The following GALNT13 variants were observed in gnomAD, a reference collection of about 807,000 sequenced individuals.
GALNT13 encodes the protein UDP-GalNAc:polypeptide N-acetylgalactosaminyltransferase 13.
In GALNT13, 28 loss-of-function variants were observed where a neutral mutation model predicts 64.2. The observed-to-expected ratio is 0.44, with a 90% CI of 0.32 to 0.60. The LOEUF (loss-of-function observed/expected upper bound fraction) is 0.60. Ranked by LOEUF, GALNT13 falls within the 20% of genes least tolerant of loss-of-function variation. The probability of loss-of-function intolerance (pLI) is 0.05; values close to 1 mark genes in which losing one functional copy is unlikely to be tolerated. For synonymous variants in GALNT13, 214 were observed against 224.6 expected (o/e 0.95, Z 0.42); for missense variants, 577 against 669.8 (o/e 0.86, Z 1.53).
At chr2:153,967,764 GA>G (rs1450585090) in intron 3 of GALNT13, among the ~76,000 whole-genome samples, 1 of 152,000 alleles carries the variant, frequency 6.6e-6, no homozygotes, top group African/African-American at 2.4e-5. Flanking sequence ...GTCTGCCCCG[GA>G]TATTTTTGTC....
the GALNT13 span, among the ~76,000 whole-genome samples, chr2:153,153,033 TAA>T: frequency 6.6e-6 from 1 of 152,064 alleles, no homozygotes; most frequent in Admixed American, 6.6e-5. Flanking sequence ...CAACGGTGTA[TAA>T]GAGTTCATTT....
At chr2:153,911,201 G>A (rs1042135847) in intron 2 of GALNT13, among the ~76,000 whole-genome samples, 1 of 152,094 alleles carries the variant, frequency 6.6e-6, no homozygotes, top group Non-Finnish European at 1.5e-5. Context: ...TTGATTTAAA[G>A]TCTGCTTTGC....
chr2:153,432,049 T>G, the GALNT13 span, among the ~76,000 whole-genome samples: 1 of 152,298 alleles, frequency 6.6e-6, no homozygotes, highest in African/African-American at 2.4e-5. Flanking sequence ...AATAATTAAT[T>G]TTTTTGTTTC....
At chr2:154,268,293 T>C (rs1251066211) in intron 8 of GALNT13, among the ~76,000 whole-genome samples, 3 of 152,354 alleles carry the variant, frequency 2.0e-5, no homozygotes, top group East Asian at 1.9e-4. Flanking sequence ...ATAATTATGC[T>C]GAATGAAACA....
the GALNT13 span, among the ~76,000 whole-genome samples, chr2:153,527,632 A>G: frequency 6.6e-6 from 1 of 152,160 alleles, no homozygotes; most frequent in African/African-American, 2.4e-5. Flanking sequence ...ACAGAATATT[A>G]TAACCCTGTA....
chr2:153,860,768 G>A, the GALNT13 span, among the ~76,000 whole-genome samples: 31 of 152,144 alleles, frequency 2.0e-4, no homozygotes, highest in Non-Finnish European at 4.3e-4. Flanking sequence ...TATGACCAAC[G>A]TGACAAAAGT....
chr2:153,134,619 A>G, the GALNT13 span, among the ~76,000 whole-genome samples: 2 of 151,974 alleles, frequency 1.3e-5, no homozygotes, highest in Non-Finnish European at 2.9e-5. Flanking sequence ...TCCTTTGCCA[A>G]TCTCCTTCTC....
chr2:154,233,762 C>A (rs910686258), intron 4 of GALNT13, among the ~76,000 whole-genome samples: 10 of 151,992 alleles, frequency 6.6e-5, no homozygotes, highest in African/African-American at 2.2e-4. Flanking sequence ...AATTTGGTAA[C>A]CAGACAGAAC....
At chr2:154,180,577 T>A (rs906754721) in intron 4 of GALNT13, among the ~76,000 whole-genome samples, 13 of 152,240 alleles carry the variant, frequency 8.5e-5, no homozygotes, top group Non-Finnish European at 1.2e-4. Context: ...GAAACTTTTT[T>A]AAAAATCCAC....
At chr2:153,223,346 A>G in the GALNT13 span, among the ~76,000 whole-genome samples, 3 of 152,178 alleles carry the variant, frequency 2.0e-5, no homozygotes, top group Non-Finnish European at 2.9e-5. Flanking sequence ...ATAGTATCGA[A>G]TTTTCTGCCT....
chr2:154,346,267 C>CA (rs1696061593), intron 9 of GALNT13, among the ~76,000 whole-genome samples: 1 of 151,936 alleles, frequency 6.6e-6, no homozygotes, highest in East Asian at 1.9e-4. Flanking sequence ...CTTTCCAAAA[C>CA]TAAATAAATA....
the GALNT13 span, among the ~76,000 whole-genome samples, chr2:153,461,549 G>A: frequency 6.6e-6 from 1 of 152,030 alleles, no homozygotes; most frequent in African/African-American, 2.4e-5. Flanking sequence ...ATAGTTGTAT[G>A]TCATGTCTAG....
At chr2:154,343,208 T>C (rs1205920621) in intron 9 of GALNT13, among the ~76,000 whole-genome samples, 3 of 151,994 alleles carry the variant, frequency 2.0e-5, no homozygotes, top group African/African-American at 7.2e-5. Flanking sequence ...ACTTGGAGGA[T>C]ATTCTGAGAT....
the GALNT13 span, among the ~76,000 whole-genome samples, chr2:153,637,829 A>G: frequency 6.6e-6 from 1 of 152,176 alleles, no homozygotes; most frequent in Non-Finnish European, 1.5e-5. Context: ...GTAGAATCTC[A>G]CAAGAGAAAA....
At chr2:154,200,819 A>G (rs1050104145) in intron 4 of GALNT13, among the ~76,000 whole-genome samples, 2 of 152,134 alleles carry the variant, frequency 1.3e-5, no homozygotes, top group East Asian at 1.9e-4. Context: ...CATTCTGACT[A>G]TGGCAGAGAT....
chr2:154,327,159 C>T (rs950586659), intron 9 of GALNT13, among the ~76,000 whole-genome samples: 1 of 152,076 alleles, frequency 6.6e-6, no homozygotes, highest in South Asian at 2.1e-4. Flanking sequence ...CGAGATCTGA[C>T]GGTTTTATAA....
chr2:154,117,223 C>G (rs1275766147), intron 3 of GALNT13, among the ~76,000 whole-genome samples: 2 of 152,076 alleles, frequency 1.3e-5, no homozygotes, highest in African/African-American at 2.4e-5. Context: ...TGGCAACACC[C>G]TCACAGACAC....
At chr2:153,826,154 G>A in the GALNT13 span, among the ~76,000 whole-genome samples, 1 of 152,120 alleles carries the variant, frequency 6.6e-6, no homozygotes, top group Non-Finnish European at 1.5e-5. Flanking sequence ...CATCTGGTGA[G>A]GGCCTTCTTT....
At chr2:153,215,935 G>C in the GALNT13 span, among the ~76,000 whole-genome samples, 1 of 151,770 alleles carries the variant, frequency 6.6e-6, no homozygotes, top group Non-Finnish European at 1.5e-5. Context: ...TCATAATATG[G>C]AAGAGTTCCA....
Sources: gnomAD v4.1 joint callset for allele counts (sites outside exome capture counted in the v4.1 genomes callset) on GRCh38, gnomAD v4.1.1 for gene constraint, MANE v1.5 for transcripts, NCBI Gene and HGNC (gene_info 2026-07-23, HGNC 2026-07-21) for gene names.